The following DOCK7 variants were observed in gnomAD, a reference collection of about 807,000 sequenced individuals.
DOCK7 encodes dedicator of cytokinesis 7.
A neutral mutation model predicts 271.0 loss-of-function variants in DOCK7; 138 were observed. The observed-to-expected ratio is 0.51, with a 90% confidence interval of 0.44 to 0.59. The LOEUF is 0.59. DOCK7 is among the 20% of genes least tolerant of loss of function. The pLI is 0.00. For missense variants in DOCK7, 2,066 were observed against 2,592.4 expected, an observed-to-expected ratio of 0.80 and a Z score of 4.41; for synonymous variants, 823 against 876.1, an observed-to-expected ratio of 0.94 and a Z score of 1.07.
intron 1 of DOCK7, among the ~76,000 whole-genome samples, chr1:62,675,554 G>C (rs368175226): frequency 1.3e-5 from 2 of 152,118 alleles, no homozygotes; most frequent in Non-Finnish European, 2.9e-5. Flanking sequence ...AGGCCGAGGC[G>C]GGCGGATCAT....
intron 14 of DOCK7, among the ~76,000 whole-genome samples, chr1:62,589,456 C>T (rs920800355): frequency 1.3e-5 from 2 of 152,046 alleles, no homozygotes; most frequent in Non-Finnish European, 2.9e-5. Context: ...TATGACAAGA[C>T]GTTCCAGACT....
At chr1:62,537,083 A>C (rs1222749383) in intron 28 of DOCK7, among the ~76,000 whole-genome samples, 4 of 152,060 alleles carry the variant, frequency 2.6e-5, no homozygotes, top group Non-Finnish European at 5.9e-5. Context: ...CTGCAGTTTG[A>C]CTTCTTTCTC....
At chr1:62,459,839 T>C (rs533715650) in intron 48 of DOCK7, among the ~76,000 whole-genome samples, 189 of 152,042 alleles carry the variant, frequency 1.2e-3, no homozygotes, top group African/African-American at 4.0e-3. Flanking sequence ...GTGGCTCATG[T>C]CTGTAATCCC....
intron 8 of DOCK7, among the ~76,000 whole-genome samples, chr1:62,636,062 C>G (rs1655231589): frequency 6.6e-6 from 1 of 152,218 alleles, no homozygotes; most frequent in African/African-American, 2.4e-5. Context: ...ATCATCCTGG[C>G]TAACACGGTG....
At chr1:62,684,440 CT>C (rs1301620851) in intron 1 of DOCK7, among the ~76,000 whole-genome samples, 2 of 152,190 alleles carry the variant, frequency 1.3e-5, no homozygotes, top group Non-Finnish European at 2.9e-5. Context: ...CATGTATTAA[CT>C]CATTTAATCC....
intron 18 of DOCK7, among the ~76,000 whole-genome samples, chr1:62,561,942 C>A (rs1646335256): frequency 6.6e-6 from 1 of 150,548 alleles, no homozygotes; most frequent in East Asian, 1.9e-4. Context: ...AAATTTCTAT[C>A]TTCCCAGAGA....
chr1:62,598,649 A>G, intron 14 of DOCK7: 1 of 1,024,070 alleles, frequency 9.8e-7, no homozygotes, highest in South Asian at 1.3e-5. Flanking sequence ...AATTAATAGA[A>G]AAGAAAGAGG....
At chr1:62,662,041 T>C (rs1323695316) in intron 2 of DOCK7, among the ~76,000 whole-genome samples, 1 of 152,078 alleles carries the variant, frequency 6.6e-6, no homozygotes, top group African/African-American at 2.4e-5. Context: ...ACACAAACAT[T>C]ATATCATTAT....
At chr1:62,628,612 A>G (rs1037429884) in intron 11 of DOCK7, 2 of 152,240 alleles carry the variant, frequency 1.3e-5, no homozygotes, top group African/African-American at 4.8e-5. Context: ...AATACATACA[A>G]GTAAATTTTG....
At chr1:62,516,812 T>C (rs1269166831) in intron 31 of DOCK7, 1 of 152,430 alleles carries the variant, frequency 6.6e-6, no homozygotes, top group African/African-American at 2.4e-5. Flanking sequence ...TCACTTGCCA[T>C]GTCTGCCCCT....
At chr1:62,489,215 C>A in intron 41 of DOCK7, 150 bp from the exon 42 acceptor site, 1 of 649,056 alleles carries the variant, frequency 1.5e-6, no homozygotes, top group Non-Finnish European at 2.3e-6. Flanking sequence ...TTTGGGAGGC[C>A]GAGGCGGGTG....
At chr1:62,649,594 T>C (rs1333713942) in intron 4 of DOCK7, among the ~76,000 whole-genome samples, 1 of 152,200 alleles carries the variant, frequency 6.6e-6, no homozygotes, top group Non-Finnish European at 1.5e-5. Flanking sequence ...ACTAAAAAAA[T>C]TGACGATATG....
chr1:62,607,969 C>T (rs1306943583), intron 14 of DOCK7: 1 of 152,286 alleles, frequency 6.6e-6, no homozygotes, highest in African/African-American at 2.4e-5. Context: ...GTAATCCCAA[C>T]TACTTGGGAG....
At chr1:62,547,765 A>G (rs935234625) in intron 22 of DOCK7, among the ~76,000 whole-genome samples, 11 of 152,234 alleles carry the variant, frequency 7.2e-5, no homozygotes, top group Admixed American at 2.6e-4. Context: ...TTTTGGCAAT[A>G]TAAGTATGAA....
At chr1:62,495,434 A>G in intron 39 of DOCK7, 147 bp downstream of exon 39, 1 of 558,406 alleles carries the variant, frequency 1.8e-6, no homozygotes, top group Non-Finnish European at 2.8e-6. Context: ...TCTACAAAAA[A>G]GTAAAAAATA....
chr1:62,545,964 A>G (rs1355760103), intron 22 of DOCK7, among the ~76,000 whole-genome samples: 1 of 152,178 alleles, frequency 6.6e-6, no homozygotes, highest in East Asian at 1.9e-4. Context: ...TGAGAATCTA[A>G]TAATTGGAAC....
At chr1:62,573,917 A>T (rs1646863552) in intron 18 of DOCK7, among the ~76,000 whole-genome samples, 1 of 152,172 alleles carries the variant, frequency 6.6e-6, no homozygotes, top group African/African-American at 2.4e-5. Flanking sequence ...GGTATGAGTC[A>T]CCATGCCAAG....
intron 48 of DOCK7, among the ~76,000 whole-genome samples, chr1:62,467,849 A>G (rs767598918): frequency 2.6e-4 from 40 of 152,192 alleles, no homozygotes; most frequent in Non-Finnish European, 4.4e-4. Context: ...AGAAGCAAAA[A>G]TCTTTAACAA....
At chr1:62,672,922 T>C (rs1287027080) in intron 1 of DOCK7, among the ~76,000 whole-genome samples, 2 of 152,064 alleles carry the variant, frequency 1.3e-5, no homozygotes, top group African/African-American at 4.8e-5. Context: ...CTTTCACAGG[T>C]CAGTTAAAGA....
Sources: allele counts gnomAD v4.1 joint callset (sites outside exome capture counted in the v4.1 genomes callset), GRCh38; gene constraint gnomAD v4.1.1; transcripts MANE v1.5; gene names NCBI Gene and HGNC (gene_info 2026-07-23, HGNC 2026-07-21).